Variants in DYTN observed in about 807,000 individuals in gnomAD.
The protein encoded by DYTN is dystrotelin.
Under a neutral mutation model 69.6 loss-of-function variants are expected in DYTN, and 75 were observed. The ratio of observed to expected loss-of-function variants is 1.08; its 90% CI spans 0.89 to 1.31. The LOEUF (loss-of-function observed/expected upper bound fraction) is 1.31, where lower values mean the gene tolerates loss of function less well. Ranked by LOEUF, DYTN falls within the 50% of genes most tolerant of loss-of-function variation. The pLI, the probability that DYTN is intolerant of heterozygous loss-of-function variation, is 0.00. For missense variants in DYTN, 726 were observed against 688.4 expected (o/e 1.05, Z -0.61); for synonymous variants, 252 against 249.1 (o/e 1.01, Z -0.11).
rs528807664 is a variant in DYTN, at chr2:206,691,936, T to C, written c.980+1239A>G. Among the ~76,000 whole-genome samples, 74 of 152,344 alleles carry C rather than the reference T, an allele frequency of 4.9e-4. 2 individuals carry two copies. The highest frequency in any genetic ancestry group is 7.5e-4 in the Non-Finnish European group (51 of 68,024). ...TCTGATTTAAACTAATCTATTCTTATAGTCCTAGTAGGCAAAATGGAAGTG... is the reference window on the plus strand; with the variant it reads ...TCTGATTTAAACTAATCTATTCTTACAGTCCTAGTAGGCAAAATGGAAGTG... On this transcript the variant is annotated intron_variant, in intron 9 of 11. Coordinates refer to ENST00000452335, the MANE Select transcript of DYTN (RefSeq NM_001093730.1).
chr2:206,693,178 G>C lies in DYTN; in HGVS notation c.977C>G (p.Ala326Gly), dbSNP rs745666905. The change falls in exon 9 of 12, where the codon GCC (alanine) becomes GGC (glycine). Residue 326 changes from alanine to glycine, a missense_variant. Transcript: ENST00000452335. ...GCCAATCCTCGCAGCCACTCACCTG[G>C]CCTGCGCATGGTGAGGCACACCCTT... The part of the protein sequence containing the change: ...NPKGVPHHAQ[A>G]RLLKKQLNQY... 1.9e-6 allele frequency: 3 copies of C among 1,608,890 alleles called. No homozygotes were observed. The highest frequency in any genetic ancestry group is 4.5e-5 in the East Asian group (2 of 44,748).
intron 9 of DYTN, among the ~76,000 whole-genome samples, chr2:206,687,798 T>G (rs1050616384): frequency 6.6e-6 from 1 of 152,162 alleles, no homozygotes; most frequent in Non-Finnish European, 1.5e-5. Flanking sequence ...TATGCTTAGA[T>G]CAATTATTAT....
intron 9 of DYTN, among the ~76,000 whole-genome samples, chr2:206,672,446 C>T (rs1288408843): frequency 6.6e-6 from 1 of 152,186 alleles, no homozygotes; most frequent in Non-Finnish European, 1.5e-5. Context: ...AGAGTAGCTC[C>T]TTATTTGTCC....
chr2:206,682,680 C>A lies in DYTN; in HGVS notation c.980+10495G>T, dbSNP rs115731162. Among the ~76,000 whole-genome samples the A allele has an allele frequency of 9.6e-3, 1,455 of 152,140 alleles. 24 individuals are homozygous for A. Among genetic ancestry groups the A allele is most frequent in the African/African-American group, 0.032 (1,313 of 41,494 alleles). ...CCAAATTTGTATCTCCAGTACAGAC[C>A]CTTTTTTCCAAGTTCCAGCTATGAA... On this transcript the variant is annotated intron_variant, in intron 9 of 11. Coordinates refer to ENST00000452335, the MANE Select transcript of DYTN (RefSeq NM_001093730.1).
At chr2:206,663,418 A>T (rs375456209) in intron 10 of DYTN, 23 bp from the exon 11 acceptor site, 1,029 of 1,542,690 alleles carry the variant, frequency 6.7e-4, no homozygotes, top group Non-Finnish European at 8.1e-4. Context: ...AACTTTATTT[A>T]TGAAGAAATT....
At chr2:206,707,662 C>T (rs1700040918) in intron 2 of DYTN, among the ~76,000 whole-genome samples, 159 bp from the exon 3 acceptor site, 1 of 152,078 alleles carries the variant, frequency 6.6e-6, no homozygotes, top group Non-Finnish European at 1.5e-5. Context: ...ACATATATTC[C>T]TTGTGTATAC....
In DYTN at chr2:206,692,547, T is replaced by C. The variant is rs370278648; in HGVS notation, c.980+628A>G. Among the ~76,000 whole-genome samples the C allele has an allele frequency of 3.3e-5, 5 of 152,146 alleles. No individual in the cohort carries two copies. The East Asian group carries it at 5.8e-4, about 18-fold the overall frequency. Reference sequence around the variant, plus strand: ...AAAAACATAAAAATATTTAGATAAATGCATGCATAGAGATGTTGACTCTAG... The same window carrying C: ...AAAAACATAAAAATATTTAGATAAACGCATGCATAGAGATGTTGACTCTAG... On this transcript the variant is annotated intron_variant, in intron 9 of 11. Transcript: ENST00000452335.
intron 11 of DYTN, 72 bp from the exon 12 acceptor site, chr2:206,651,993 T>C: frequency 7.2e-7 from 1 of 1,385,998 alleles, no homozygotes; most frequent in Non-Finnish European, 1.0e-6. Flanking sequence ...TTGATAAAGC[T>C]CTCACATGGA....
rs532196540 is a variant in DYTN at position 206,685,372 on chromosome 2, AG to A, written c.980+7802del. Among the ~76,000 whole-genome samples the A allele has an allele frequency of 3.1e-4, 47 of 152,124 alleles. No homozygotes were observed. The South Asian group carries it at 9.4e-3, about 30-fold the overall frequency. On this transcript the variant is annotated intron_variant, in intron 9 of 11. Transcript: ENST00000452335. Reference sequence around the variant, plus strand: ...GAGACGGAATCTCTCTATGTTGCCCAGGCTGGTCTCGAACTCCTGGGGTCAA... The same window carrying A: ...GAGACGGAATCTCTCTATGTTGCCCAGCTGGTCTCGAACTCCTGGGGTCAA...
At chr2:206,691,357 G>A (rs1699860889) in intron 9 of DYTN, among the ~76,000 whole-genome samples, 2 of 152,016 alleles carry the variant, frequency 1.3e-5, no homozygotes, top group Non-Finnish European at 2.9e-5. Flanking sequence ...AGGTCGCAGC[G>A]AGCCGAGATG....
At chr2:206,705,389 C>T (rs1049733390) in intron 4 of DYTN, among the ~76,000 whole-genome samples, 1 of 152,192 alleles carries the variant, frequency 6.6e-6, no homozygotes, top group Non-Finnish European at 1.5e-5. Flanking sequence ...TGAGCCACCA[C>T]GTCCGGTCAC....
At chr2:206,659,264 T>C (rs1310540367) in intron 11 of DYTN, among the ~76,000 whole-genome samples, 3 of 141,856 alleles carry the variant, frequency 2.1e-5, no homozygotes, top group African/African-American at 7.8e-5. Flanking sequence ...CTCCGCCTCC[T>C]GGGTTCAAGC....
intron 9 of DYTN, among the ~76,000 whole-genome samples, chr2:206,678,258 A>G (rs1360338960): frequency 6.6e-6 from 1 of 152,240 alleles, no homozygotes; most frequent in Non-Finnish European, 1.5e-5. Context: ...AGCAAATTAA[A>G]TATATTCCAG....
intron 1 of DYTN, among the ~76,000 whole-genome samples, chr2:206,711,344 C>A (rs955451831): frequency 6.6e-6 from 1 of 152,104 alleles, no homozygotes; most frequent in Non-Finnish European, 1.5e-5. Flanking sequence ...GTGTACTTGC[C>A]CATTTCACAG....
At chr2:206,703,062 C>T (rs913228432) in intron 5 of DYTN, among the ~76,000 whole-genome samples, 6 of 152,150 alleles carry the variant, frequency 3.9e-5, no homozygotes, top group Non-Finnish European at 8.8e-5. Context: ...TCTCCAGCTT[C>T]CTAAGACCTT....
chr2:206,701,893 A>G (rs1699981130), intron 5 of DYTN, among the ~76,000 whole-genome samples: 1 of 152,218 alleles, frequency 6.6e-6, no homozygotes, highest in Non-Finnish European at 1.5e-5. Flanking sequence ...ATCATGTCGT[A>G]CACCTTGAAT....
intron 9 of DYTN, among the ~76,000 whole-genome samples, chr2:206,691,641 G>C (rs1353722381): frequency 6.6e-6 from 1 of 152,190 alleles, no homozygotes. Context: ...TATACATCAA[G>C]ATGATATCCA....
intron 9 of DYTN, among the ~76,000 whole-genome samples, chr2:206,670,102 G>T (rs1699613879): frequency 1.3e-5 from 2 of 152,190 alleles, no homozygotes; most frequent in Admixed American, 1.3e-4. Context: ...TTTCCATTCA[G>T]CCTAATAAAC....
chr2:206,668,660 A>G (rs952263075), intron 9 of DYTN, among the ~76,000 whole-genome samples: 1 of 152,210 alleles, frequency 6.6e-6, no homozygotes, highest in African/African-American at 2.4e-5. Flanking sequence ...AGGCAAGCTA[A>G]TCATGCCCAA....
Sources: allele counts gnomAD v4.1 joint callset (sites outside exome capture counted in the v4.1 genomes callset), GRCh38; gene constraint gnomAD v4.1.1; transcripts MANE v1.5; gene names NCBI Gene and HGNC (gene_info 2026-07-23, HGNC 2026-07-21).